UNC13B: variants seen among roughly 807,000 people sequenced by gnomAD.
UNC13B encodes the protein protein unc-13 homolog B.
In UNC13B, 144 loss-of-function variants were observed where a neutral mutation model predicts 211.0. The observed-to-expected ratio is 0.68, with a 90% CI of 0.60 to 0.78. The LOEUF is 0.78. UNC13B is among the 30% of genes least tolerant of loss of function. UNC13B has a pLI of 0.00. For synonymous variants in UNC13B, 709 were observed against 725.8 expected (o/e 0.98, Z 0.37); for missense variants, 1,777 against 2,002.0 (o/e 0.89, Z 2.14).
intron 11 of UNC13B, among the ~76,000 whole-genome samples, chr9:35,363,568 A>G (rs568529986): frequency 6.6e-6 from 1 of 152,034 alleles, no homozygotes. Flanking sequence ...AAAATTGGGA[A>G]CCTGTGAATT....
intron 1 of UNC13B, among the ~76,000 whole-genome samples, chr9:35,164,499 G>T (rs1472132451): frequency 6.6e-6 from 1 of 152,152 alleles, no homozygotes; most frequent in African/African-American, 2.4e-5. Context: ...GTAGAAATTG[G>T]CAAACTGGTA....
chr9:35,196,263 A>T (rs72723001), intron 1 of UNC13B, among the ~76,000 whole-genome samples: 22,069 of 152,228 alleles, frequency 0.14, 1,860 homozygotes, highest in Admixed American at 0.25. Context: ...AGATTCTGAA[A>T]TAGATGGGTT....
chr9:35,258,075 G>T (rs1827038230), intron 6 of UNC13B, among the ~76,000 whole-genome samples: 1 of 152,166 alleles, frequency 6.6e-6, no homozygotes, highest in Non-Finnish European at 1.5e-5. Context: ...GCACGTAGTG[G>T]ATACTCAATC....
intron 5 of UNC13B, among the ~76,000 whole-genome samples, chr9:35,242,502 T>C (rs1332271326): frequency 6.6e-6 from 1 of 152,224 alleles, no homozygotes; most frequent in Non-Finnish European, 1.5e-5. Flanking sequence ...TGAATTTGAC[T>C]ACTTTAGTTA....
At chr9:35,173,642 T>G (rs1821452591) in intron 1 of UNC13B, among the ~76,000 whole-genome samples, 1 of 152,128 alleles carries the variant, frequency 6.6e-6, no homozygotes, top group Non-Finnish European at 1.5e-5. Flanking sequence ...CAGGCTGGTC[T>G]CAAACTCTTG....
intron 4 of UNC13B, 74 bp from the exon 5 acceptor site, chr9:35,237,629 G>GA: frequency 2.5e-6 from 4 of 1,578,838 alleles, no homozygotes; most frequent in Admixed American, 2.0e-5. Flanking sequence ...GAACTTCAGA[G>GA]AAAAAAACCT....
At chr9:35,226,832 C>T (rs1824869274) in intron 1 of UNC13B, among the ~76,000 whole-genome samples, 2 of 151,326 alleles carry the variant, frequency 1.3e-5, no homozygotes, top group Admixed American at 6.6e-5. Flanking sequence ...TCTCCTTTGG[C>T]AACACCCTTA....
intron 25 of UNC13B, 52 bp from the exon 26 acceptor site, chr9:35,390,577 A>T: frequency 1.3e-6 from 2 of 1,591,758 alleles, no homozygotes; most frequent in East Asian, 4.5e-5. Context: ...AAATGAATCA[A>T]ATCAAATGGC....
At position 35,162,207 on chromosome 9, in the gene UNC13B, C is replaced by T; in HGVS notation, c.-77C>T. The T allele has an allele frequency of 7.8e-6, 12 of 1,537,284 alleles. No homozygotes were observed. The highest frequency in any genetic ancestry group is 1.0e-5 in the Non-Finnish European group (12 of 1,143,594). ...CCGTGGGGCCGGTAACGAGAGCAGT[C>T]GCGGCACCTGCTGAGAGGAAAGAGG... On this transcript the variant is annotated 5_prime_UTR_variant, in exon 1 of 40. Coordinates refer to ENST00000635942, the MANE Select transcript of UNC13B (RefSeq NM_001371189.2).
rs755696101 is a variant in UNC13B at position 35,302,267 on chromosome 9, A to G, written c.2863A>G (p.Ile955Val). The G allele has an allele frequency of 5.8e-5, 23 of 398,604 alleles. No homozygotes were observed. The highest frequency in any genetic ancestry group is 9.3e-5 in the Non-Finnish European group (21 of 225,790). 24.7% of individuals were successfully genotyped at this position (398,604 alleles called of 1,614,324 possible). A position where few individuals can be genotyped will look rare whatever the true frequency, so the allele number is the denominator to read the frequency against. ...STEEFKKNDQ[I>V]NCPEDAKLNS... Reference sequence around the variant, plus strand: ...AGAGGAATTTAAAAAGAATGACCAGATAAATTGTCCTGAAGATGCCAAACT... The same window carrying G: ...AGAGGAATTTAAAAAGAATGACCAGGTAAATTGTCCTGAAGATGCCAAACT... The change falls in exon 9 of 40, where the codon ATA (isoleucine) becomes GTA (valine). Residue 955 changes from isoleucine to valine, a missense_variant. Physicochemically the swap from Ile to Val is conservative, Grantham distance 29. Coordinates refer to ENST00000635942, the MANE Select transcript of UNC13B (RefSeq NM_001371189.2).
intron 31 of UNC13B, 81 bp downstream of exon 31, chr9:35,398,369 C>A (rs1351223391): frequency 1.3e-6 from 2 of 1,501,474 alleles, no homozygotes; most frequent in Non-Finnish European, 1.8e-6. Flanking sequence ...CCTCTCTTAA[C>A]TAGGTGTAGG....
intron 11 of UNC13B, chr9:35,352,629 C>T: frequency 1.6e-6 from 2 of 1,232,064 alleles, no homozygotes; most frequent in Non-Finnish European, 2.0e-6. Flanking sequence ...GAGCACCAGG[C>T]CCCTGAGCAG....
intron 11 of UNC13B, among the ~76,000 whole-genome samples, chr9:35,325,619 T>C (rs1436342746): frequency 1.3e-5 from 2 of 152,190 alleles, no homozygotes; most frequent in Non-Finnish European, 2.9e-5. Flanking sequence ...CATCTTAAAG[T>C]ATACAATTAA....
chr9:35,226,732 T>C (rs1049923596), intron 1 of UNC13B, among the ~76,000 whole-genome samples: 5 of 152,300 alleles, frequency 3.3e-5, no homozygotes, highest in African/African-American at 1.2e-4. Context: ...CTGCCTGCTT[T>C]TATCCTAGTT....
At chr9:35,195,820 T>TCA (rs2131356698) in intron 1 of UNC13B, among the ~76,000 whole-genome samples, 2 of 152,286 alleles carry the variant, frequency 1.3e-5, no homozygotes, top group African/African-American at 4.8e-5. Flanking sequence ...TCCCCCTCCT[T>TCA]CACAAACATC....
At chr9:35,265,961 A>G (rs1421024008) in intron 7 of UNC13B, among the ~76,000 whole-genome samples, 2 of 152,060 alleles carry the variant, frequency 1.3e-5, no homozygotes, top group Non-Finnish European at 2.9e-5. Flanking sequence ...AGTAGCTGGG[A>G]CCACAGTCAT....
chr9:35,244,724 C>T (rs894514741), intron 6 of UNC13B, among the ~76,000 whole-genome samples: 3 of 152,130 alleles, frequency 2.0e-5, no homozygotes, highest in African/African-American at 7.2e-5. Context: ...CTTGTAAGAA[C>T]AACAGTCATT....
Position 35,308,379 on chromosome 9 carries a change from T to C in UNC13B, c.8975T>C (p.Leu2992Pro), listed in dbSNP as rs1830027212. 1.8e-5 allele frequency: 7 copies of C among 398,986 alleles called. No individual in the cohort carries two copies. In the East Asian group the frequency reaches 2.5e-4, roughly 14 times the overall value. The allele number at this position is 398,986 out of a possible 1,614,324, so 24.7% of individuals were successfully genotyped here. ...TTGAATGTACAGCAGCCAGTCACTC[T>C]GAATGACATCAAGGAGCCCATGACC... ...SDLNVQQPVT[L>P]NDIKEPMTNK... The change falls in exon 9 of 40, where the codon CTG (leucine) becomes CCG (proline). Residue 2992 changes from leucine to proline, a missense_variant. Physicochemically the swap from Leu to Pro is moderately conservative, Grantham distance 98 (BLOSUM62 -3). Coordinates refer to ENST00000635942, the MANE Select transcript of UNC13B (RefSeq NM_001371189.2).
chr9:35,354,749 G>A (rs922685448), intron 11 of UNC13B, among the ~76,000 whole-genome samples: 2 of 152,186 alleles, frequency 1.3e-5, no homozygotes, highest in Non-Finnish European at 2.9e-5. Flanking sequence ...AGCATATTGT[G>A]TTGGCAAAGG....
Sources: allele counts gnomAD v4.1 joint callset (sites outside exome capture counted in the v4.1 genomes callset), GRCh38; gene constraint gnomAD v4.1.1; transcripts MANE v1.5; gene names NCBI Gene and HGNC (gene_info 2026-07-23, HGNC 2026-07-21).